The following MOB3A variants were observed in gnomAD, a reference collection of about 807,000 sequenced individuals.
MOB3A encodes MOB LAK.
Under a neutral mutation model 17.8 loss-of-function variants are expected in MOB3A, and 17 were observed. The ratio of observed to expected loss-of-function variants is 0.95; its 90% CI spans 0.65 to 1.43. The LOEUF (loss-of-function observed/expected upper bound fraction) is 1.43, where lower values mean the gene tolerates loss of function less well. MOB3A is among the 40% of genes most tolerant of loss of function. The pLI, the probability that MOB3A is intolerant of heterozygous loss-of-function variation, is 0.00. For synonymous variants in MOB3A, 124 were observed against 133.2 expected, an observed-to-expected ratio of 0.93 and a Z score of 0.48; for missense variants, 333 against 310.8, an observed-to-expected ratio of 1.07 and a Z score of -0.54.
At chr19:2,092,066 G>A (rs193125610) in intron 1 of MOB3A, among the ~76,000 whole-genome samples, 331 of 147,720 alleles carry the variant, frequency 2.2e-3, no homozygotes, top group Middle Eastern at 0.011. Flanking sequence ...AGGAACTATT[G>A]TGTCTGGAAG....
rs756166447 is a variant in MOB3A at position 2,076,982 on chromosome 19, C to G, written c.453G>C (p.Thr151=). Reference sequence around the variant, plus strand: ...ACAGCCGCGACAGGATCTTCCGCACCGTCTGCAGGAAGTTCTTGGGAAACG... The same window carrying G: ...ACAGCCGCGACAGGATCTTCCGCACGGTCTGCAGGAAGTTCTTGGGAAACG... ...GTPFPKNFLQ[T]VRKILSRLFR... Residue 151 remains threonine, a synonymous_variant, in exon 4 of 5, where the codon ACG becomes ACC. Coordinates refer to ENST00000357066, the MANE Select transcript of MOB3A (RefSeq NM_130807.3). 1 of 1,613,566 alleles carries G rather than the reference C, an allele frequency of 6.2e-7. No homozygotes were observed. Among genetic ancestry groups the G allele is most frequent in the Non-Finnish European group, 8.5e-7 (1 of 1,179,974 alleles).
At chr19:2,074,977 A>G (rs2017385557) in intron 4 of MOB3A, among the ~76,000 whole-genome samples, 1 of 151,414 alleles carries the variant, frequency 6.6e-6, no homozygotes, top group Non-Finnish European at 1.5e-5. Context: ...TTGGCATTCC[A>G]AAGTGCTGGG....
intron 4 of MOB3A, 101 bp from the exon 5 acceptor site, chr19:2,073,525 T>C (rs1599400184): frequency 6.6e-7 from 1 of 1,517,740 alleles, no homozygotes; most frequent in East Asian, 2.3e-5. Flanking sequence ...AAACGGCAGC[T>C]GGGGGCTTCC....
intron 2 of MOB3A, among the ~76,000 whole-genome samples, chr19:2,081,200 T>A (rs1405882696): frequency 6.6e-6 from 1 of 151,942 alleles, no homozygotes; most frequent in East Asian, 1.9e-4. Context: ...CCCCCAACAG[T>A]CAACAGAACG....
At position 2,082,312 on chromosome 19, in the gene MOB3A, G is replaced by A. The variant is rs143460638; in HGVS notation, c.-120+2863C>T. ...GGTGGGGCCGTCAGGGGCACTGCAA[G>A]GTGCTGAGCGGCATCCCTGGCCGCC... On this transcript the variant is annotated intron_variant, in intron 2 of 4. Coordinates refer to ENST00000357066, the MANE Select transcript of MOB3A (RefSeq NM_130807.3). The surrounding 1 kb of genome is among the most constrained non-coding windows in gnomAD (Gnocchi z 4.1). Among the ~76,000 whole-genome samples, 25 of 152,380 alleles carry A rather than the reference G, an allele frequency of 1.6e-4. No individual in the cohort carries two copies. The highest frequency in any genetic ancestry group is 5.8e-4 in the African/African-American group (24 of 41,588).
chr19:2,071,387 C>T lies in MOB3A; in HGVS notation c.*2008G>A, dbSNP rs1439164599. ...AAGGACAAGTCCTGGGAGTTTCAGG[C>T]TTCGGCAGTAACAGTGTGTTAATTG... is the stretch of plus-strand genomic sequence containing the variant. On this transcript the variant is annotated 3_prime_UTR_variant, in exon 5 of 5. Transcript: ENST00000357066. 6.6e-6 allele frequency: 1 copy of T among 152,238 alleles called. No individual in the cohort carries two copies. The highest frequency in any genetic ancestry group is 1.9e-4 in the East Asian group (1 of 5,206). 9.4% of individuals were successfully genotyped at this position (152,238 alleles called of 1,614,324 possible).
rs373418921 is a variant in MOB3A at position 2,078,309 on chromosome 19, C to G, written c.252G>C (p.Thr84=). ...LIYGTISDGC[T]EQSCPVMSGG... ...CCGACATGACGGGGCAGGACTGCTC[C>G]GTGCAGCCGTCGCTGATGGTGCCGT... Residue 84 remains threonine (T), a synonymous_variant, in exon 3 of 5, where the codon ACG becomes ACC. Transcript: ENST00000357066. The G allele has an allele frequency of 2.5e-6, 4 of 1,614,154 alleles. No individual in the cohort carries two copies. In the Admixed American group the frequency reaches 6.7e-5, roughly 27 times the overall value.
intron 4 of MOB3A, 122 bp downstream of exon 4, chr19:2,076,689 G>A: frequency 1.0e-6 from 1 of 994,236 alleles, no homozygotes; most frequent in Non-Finnish European, 1.5e-6. Context: ...CCCAACTCCA[G>A]CCGGGGCCGC....
intron 1 of MOB3A, among the ~76,000 whole-genome samples, chr19:2,094,109 C>T (rs1055509772): frequency 2.1e-5 from 3 of 141,846 alleles, no homozygotes; most frequent in Admixed American, 7.5e-5. Context: ...TGCAGTGGTG[C>T]GATCTCGGCT....
Position 2,082,370 on chromosome 19 carries a change from G to A in MOB3A, c.-120+2805C>T, listed in dbSNP as rs926779127. 6.6e-6 allele frequency among the ~76,000 whole-genome samples: 1 copy of A among 152,200 alleles called. No homozygotes were observed. On this transcript the variant is annotated intron_variant, in intron 2 of 4. Transcript: ENST00000357066. This position sits in a 1 kb window ranked among gnomAD's most constrained non-coding sequence, Gnocchi z 4.1. ...CCTGCCAGGAGCTCCCCCAAGTTATGACAACCACAGATGTGCCCAGACATC... is the reference window on the plus strand; with the variant it reads ...CCTGCCAGGAGCTCCCCCAAGTTATAACAACCACAGATGTGCCCAGACATC...
Position 2,071,157 on chromosome 19 carries a change from C to G in MOB3A, c.*2238G>C, listed in dbSNP as rs1477020473. 1 of 152,168 alleles carries G rather than the reference C, an allele frequency of 6.6e-6. No individual in the cohort carries two copies. The highest frequency in any genetic ancestry group is 6.6e-5 in the Admixed American group (1 of 15,264). The allele number at this position is 152,168 out of a possible 1,614,324, so 9.4% of individuals were successfully genotyped here. A position where few individuals can be genotyped will look rare whatever the true frequency, so the allele number is the denominator to read the frequency against. On this transcript the variant is annotated 3_prime_UTR_variant, in exon 5 of 5. Transcript: ENST00000357066. ...CCTGCTCCCACCTCCCCGAGCCCAC[C>G]TGGGAAGCTGCGTGGCCGGGCTGCT...
rs959267875 is a variant in MOB3A at position 2,093,554 on chromosome 19, C to T, written c.-274+2672G>A. Among the ~76,000 whole-genome samples, 15 of 152,138 alleles carry T rather than the reference C, an allele frequency of 9.9e-5. No individual in the cohort carries two copies. The highest frequency in any genetic ancestry group is 6.5e-4 in the Admixed American group (10 of 15,274). On this transcript the variant is annotated intron_variant, in intron 1 of 4. Transcript: ENST00000357066. This position sits in a 1 kb window ranked among gnomAD's most constrained non-coding sequence, Gnocchi z 4.6. ...TAGAGATGGGGTTTTGCCATGTTGG[C>T]CAGGCTGGTCTTGAATGCCTGACCT...
At chr19:2,092,082 GTTTT>G (rs1219970948) in intron 1 of MOB3A, among the ~76,000 whole-genome samples, 1 of 118,892 alleles carries the variant, frequency 8.4e-6, no homozygotes, top group Admixed American at 8.7e-5. Context: ...GGAAGGAAAG[GTTTT>G]TTTTTTTTTT....
At chr19:2,080,476 C>A (rs1599405551) in intron 2 of MOB3A, among the ~76,000 whole-genome samples, 1 of 152,152 alleles carries the variant, frequency 6.6e-6, no homozygotes, top group South Asian at 2.1e-4. Context: ...CTCCCGGGTT[C>A]ACGCGATTCT....
At chr19:2,074,890 TG>T (rs2017384525) in intron 4 of MOB3A, among the ~76,000 whole-genome samples, 1 of 152,000 alleles carries the variant, frequency 6.6e-6, no homozygotes, top group African/African-American at 2.4e-5. Context: ...GCTAATTTTT[TG>T]TATTTTTAGT....
At chr19:2,073,988 G>A (rs559226824) in intron 4 of MOB3A, among the ~76,000 whole-genome samples, 2 of 151,506 alleles carry the variant, frequency 1.3e-5, no homozygotes, top group Non-Finnish European at 2.9e-5. Context: ...CCAAGATCGC[G>A]CCACTGCACT....
At chr19:2,084,118 A>C (rs1049272023) in intron 2 of MOB3A, 1 of 499,376 alleles carries the variant, frequency 2.0e-6, no homozygotes, top group African/African-American at 1.9e-5. Context: ...TACCAGACTC[A>C]CACCAAGACA....
At position 2,096,311 on chromosome 19, in the gene MOB3A, C is replaced by T; in HGVS notation, c.-359G>A. On this transcript the variant is annotated 5_prime_UTR_variant, in exon 1 of 5. Transcript: ENST00000357066. ...CTCAGCCGCCGCACCGCCTCGCAGC[C>T]GCCGCGGAGGGACACGGCCGCGGGA... 6.3e-6 allele frequency: 1 copy of T among 158,632 alleles called. No individual in the cohort carries two copies. Among genetic ancestry groups the T allele is most frequent in the Non-Finnish European group, 1.4e-5 (1 of 71,888 alleles). The allele number at this position is 158,632 out of a possible 1,614,324, so 9.8% of individuals were successfully genotyped here. A position where few individuals can be genotyped will look rare whatever the true frequency, so the allele number is the denominator to read the frequency against.
rs62128369 is a variant in MOB3A, at chr19:2,082,721, C to G, written c.-120+2454G>C. Among the ~76,000 whole-genome samples the G allele has an allele frequency of 6.6e-6, 1 of 152,340 alleles. No individual in the cohort carries two copies. Among genetic ancestry groups the G allele is most frequent in the East Asian group, 1.9e-4 (1 of 5,186 alleles). On this transcript the variant is annotated intron_variant, in intron 2 of 4. Coordinates refer to ENST00000357066, the MANE Select transcript of MOB3A (RefSeq NM_130807.3). The surrounding 1 kb of genome is among the most constrained non-coding windows in gnomAD (Gnocchi z 4.1). ...GCCCCTCCACTGCCTAGCAGAGCCACGTGGATGCTCCAAGTCCAGGGACTG... is the reference window on the plus strand; with the variant it reads ...GCCCCTCCACTGCCTAGCAGAGCCAGGTGGATGCTCCAAGTCCAGGGACTG...
Sources: gnomAD v4.1 joint callset for allele counts (sites outside exome capture counted in the v4.1 genomes callset) on GRCh38, gnomAD v4.1.1 for gene constraint, Gnocchi (gnomAD v3.1) non-coding constraint, MANE v1.5 for transcripts, NCBI Gene and HGNC (gene_info 2026-07-23, HGNC 2026-07-21) for gene names.